SYNE1: variants seen among roughly 807,000 people sequenced by gnomAD.
SYNE1 encodes the protein spectrin repeat containing nuclear envelope protein 1, also known as nesprin-1.
In SYNE1, 616 loss-of-function variants were observed where a neutral mutation model predicts 1,111.0. The observed-to-expected ratio is 0.55, with a 90% CI of 0.52 to 0.59. SYNE1 has a LOEUF of 0.59. Ranked by LOEUF, SYNE1 falls within the 20% of genes least tolerant of loss-of-function variation. The pLI is 0.00. For synonymous variants in SYNE1, 3,855 were observed against 3,825.8 expected (o/e 1.01, Z -0.28); for missense variants, 10,006 against 10,417.0 (o/e 0.96, Z 1.72).
chr6:152,365,031 C>T lies in SYNE1; in HGVS notation c.9973-12G>A, dbSNP rs778214038. 6.2e-7 allele frequency: 1 copy of T among 1,614,108 alleles called. No homozygotes were observed. Among genetic ancestry groups the T allele is most frequent in the Non-Finnish European group, 8.5e-7 (1 of 1,179,964 alleles). On this transcript the variant is annotated splice_polypyrimidine_tract_variant and intron_variant, in intron 62 of 145. Coordinates refer to ENST00000367255, the MANE Select transcript of SYNE1 (RefSeq NM_182961.4). The stretch of plus-strand genomic sequence containing the variant: ...ACTGATAATAGAGCCTGTGAAAACA[C>T]ATACAGAAGTCCTTTGTCATTTGTA...
At position 152,276,069 on chromosome 6, in the gene SYNE1, C is replaced by G. The variant is rs1307983547; in HGVS notation, c.18573+2020G>C. Among the ~76,000 whole-genome samples the G allele has an allele frequency of 9.4e-5, 11 of 117,422 alleles. No individual in the cohort carries two copies. The East Asian group carries it at 3.1e-3, about 33-fold the overall frequency. 77.0% of individuals were successfully genotyped at this position (117,422 alleles called of 152,430 possible). The stretch of plus-strand genomic sequence containing the variant: ...TTTTTTTTTGAGACAGGATTTCACT[C>G]TGTTGCCCAAGCTAGAGCACAGTGG... On this transcript the variant is annotated intron_variant, in intron 98 of 145. Transcript: ENST00000367255.
intron 100 of SYNE1, among the ~76,000 whole-genome samples, chr6:152,266,943 T>A (rs1353846002): frequency 6.6e-6 from 1 of 152,208 alleles, no homozygotes; most frequent in Admixed American, 6.5e-5. Context: ...ATGTTTTTTT[T>A]ATTATTGACG....
intron 3 of SYNE1, among the ~76,000 whole-genome samples, chr6:152,621,620 T>A (rs1192721278): frequency 6.6e-6 from 1 of 152,060 alleles, no homozygotes; most frequent in Non-Finnish European, 1.5e-5. Flanking sequence ...TTTTTCTATT[T>A]GAGAGCGAAT....
chr6:152,490,408 A>G (rs2098964118), intron 11 of SYNE1, among the ~76,000 whole-genome samples: 1 of 152,148 alleles, frequency 6.6e-6, no homozygotes, highest in Non-Finnish European at 1.5e-5. Context: ...GAACCACAAA[A>G]TAAGTGAAAA....
intron 91 of SYNE1, among the ~76,000 whole-genome samples, chr6:152,304,329 ATTATT>A (rs1281825288): frequency 1.3e-5 from 2 of 152,052 alleles, no homozygotes; most frequent in African/African-American, 2.4e-5. Context: ...AATCTTTTTT[ATTATT>A]TTATTTTATT....
At chr6:152,299,963 G>A (rs376532444) in intron 93 of SYNE1, among the ~76,000 whole-genome samples, 1 of 151,952 alleles carries the variant, frequency 6.6e-6, no homozygotes, top group African/African-American at 2.4e-5. Flanking sequence ...GCATATTTTT[G>A]ATTTCTATCT....
At chr6:152,240,419 T>A (rs531570644) in intron 107 of SYNE1, among the ~76,000 whole-genome samples, 87 of 152,226 alleles carry the variant, frequency 5.7e-4, no homozygotes, top group Non-Finnish European at 1.0e-3. Flanking sequence ...CACAGCTTTA[T>A]ATGCACTGAT....
chr6:152,498,817 TAGAA>T, intron 10 of SYNE1, 25 bp from the exon 11 acceptor site: 2 of 1,343,356 alleles, frequency 1.5e-6, no homozygotes, highest in Non-Finnish European at 2.0e-6. Flanking sequence ...AGATAATATA[TAGAA>T]ATATAATATA....
intron 125 of SYNE1, 127 bp downstream of exon 125, chr6:152,207,845 A>C: frequency 7.9e-6 from 7 of 881,640 alleles, no homozygotes; most frequent in Non-Finnish European, 7.5e-6. Context: ...ATTTCTGTTG[A>C]CATTTGAGAA....
At chr6:152,283,234 A>G (rs1214927442) in intron 96 of SYNE1, among the ~76,000 whole-genome samples, 1 of 152,232 alleles carries the variant, frequency 6.6e-6, no homozygotes, top group Non-Finnish European at 1.5e-5. Flanking sequence ...GTAACGTGGG[A>G]ACCAGAATAG....
At chr6:152,268,008 T>C (rs747658414) in intron 100 of SYNE1, 48 bp downstream of exon 100, 3 of 1,500,564 alleles carry the variant, frequency 2.0e-6, no homozygotes, top group Admixed American at 3.3e-5. Context: ...TTTCTTCAAA[T>C]GTCAGGGAAA....
chr6:152,280,549 T>C, intron 97 of SYNE1, among the ~76,000 whole-genome samples: 1 of 152,198 alleles, frequency 6.6e-6, no homozygotes, highest in East Asian at 1.9e-4. Flanking sequence ...AACACCCCTG[T>C]CTTAAAGTAT....
chr6:152,498,833 A>G (rs912042575), intron 10 of SYNE1, 41 bp from the exon 11 acceptor site: 14 of 1,170,414 alleles, frequency 1.2e-5, no homozygotes, highest in Non-Finnish European at 1.6e-5. Flanking sequence ...TATAATATAA[A>G]TCAGGGTCAA....
At chr6:152,426,503 AAC>A (rs2098357954) in intron 38 of SYNE1, among the ~76,000 whole-genome samples, 2 of 152,276 alleles carry the variant, frequency 1.3e-5, no homozygotes, top group South Asian at 4.1e-4. Flanking sequence ...ATGCAGGAGT[AAC>A]AGAGTCTGCA....
At chr6:152,596,991 G>A (rs1479768573) in intron 3 of SYNE1, among the ~76,000 whole-genome samples, 2 of 152,020 alleles carry the variant, frequency 1.3e-5, no homozygotes, top group East Asian at 3.9e-4. Context: ...GCACTAAATT[G>A]GTAGACAAAA....
Position 152,278,170 on chromosome 6 carries a change from C to T in SYNE1, c.18492G>A (p.Gln6164=), listed in dbSNP as rs767693684. 4 of 1,614,190 alleles carry T rather than the reference C, an allele frequency of 2.5e-6. No homozygotes were observed. The highest frequency in any genetic ancestry group is 3.4e-6 in the Non-Finnish European group (4 of 1,180,046). ...TGAGCCTTCTCAGCTTTCCAGCCAG[C>T]TGCTCGGCCTCGTCCTTGGTGTGAG... The part of the protein sequence containing the change: ...GKAHTKDEAE[Q]LAGKLRRLKG... Residue 6164 remains glutamine (Q), a synonymous_variant, in exon 98 of 146, where the codon CAG becomes CAA. Transcript: ENST00000367255.
intron 8 of SYNE1, 62 bp downstream of exon 8, chr6:152,510,131 A>C: frequency 6.6e-7 from 1 of 1,518,236 alleles, no homozygotes; most frequent in Non-Finnish European, 9.1e-7. Context: ...TAGAAGTTGC[A>C]ATTAGTAACA....
In SYNE1 at chr6:152,145,471, G is replaced by A. The variant is rs751033622; in HGVS notation, c.24977-1706C>T. ...CAGGGGAGGGAGGGAGGCTGGCTCCGGCTTGTTGTGCCTACCGGAGGTATT... is the reference window on the plus strand; with the variant it reads ...CAGGGGAGGGAGGGAGGCTGGCTCCAGCTTGTTGTGCCTACCGGAGGTATT... On this transcript the variant is annotated intron_variant, in intron 137 of 145. Coordinates refer to ENST00000367255, the MANE Select transcript of SYNE1 (RefSeq NM_182961.4). 14 of 1,613,184 alleles carry A rather than the reference G, an allele frequency of 8.7e-6. No individual in the cohort carries two copies. The highest frequency in any genetic ancestry group is 4.5e-5 in the East Asian group (2 of 44,870).
In SYNE1 at chr6:152,330,669, A is replaced by G; in HGVS notation, c.14016T>C (p.Ala4672=). The part of the protein sequence containing the change: ...KFYKVQEAIL[A]RKEYASLIEL... ...CAATCAAGGAAGCATATTCCTTCCG[A>G]GCAAGAATTGCTTCCTGGACTTTAT... Residue 4672 remains alanine, a synonymous_variant, in exon 78 of 146, where the codon GCT becomes GCC. Transcript: ENST00000367255. The G allele has an allele frequency of 6.2e-7, 1 of 1,613,996 alleles. No homozygotes were observed. Among genetic ancestry groups the G allele is most frequent in the Non-Finnish European group, 8.5e-7 (1 of 1,180,042 alleles).
Sources: allele counts gnomAD v4.1 joint callset (sites outside exome capture counted in the v4.1 genomes callset), GRCh38; gene constraint gnomAD v4.1.1; transcripts MANE v1.5; gene names NCBI Gene and HGNC (gene_info 2026-07-23, HGNC 2026-07-21).